GPR158: variants seen among roughly 807,000 people sequenced by gnomAD.
GPR158 encodes the protein metabotropic glycine receptor.
Under a neutral mutation model 78.2 loss-of-function variants are expected in GPR158, and 30 were observed. That is an observed-to-expected ratio of 0.38 (90% CI 0.29 to 0.52). GPR158 has a LOEUF of 0.52. Ranked by LOEUF, GPR158 falls within the 20% of genes least tolerant of loss-of-function variation. The pLI is 0.83. For missense variants in GPR158, 1,463 were observed against 1,523.5 expected (o/e 0.96, Z 0.66); for synonymous variants, 581 against 591.1 (o/e 0.98, Z 0.25).
At chr10:25,595,696 A>G (rs1035781403) in intron 9 of GPR158, among the ~76,000 whole-genome samples, 4 of 152,230 alleles carry the variant, frequency 2.6e-5, no homozygotes, top group Admixed American at 2.0e-4. Flanking sequence ...ATAGAAACAT[A>G]AAGTAGATTA....
At position 25,374,490 on chromosome 10, in the gene GPR158, A is replaced by G. The variant is rs558993110; in HGVS notation, c.1009-21421A>G. 5.3e-5 allele frequency among the ~76,000 whole-genome samples: 8 copies of G among 151,854 alleles called. No homozygotes were observed. The South Asian group carries it at 1.7e-3, about 31-fold the overall frequency. ...AATTTTATCACAAATGTAGGTTTGT[A>G]TAACCATTACCACAATTACAATACA... On this transcript the variant is annotated intron_variant, in intron 2 of 10. Coordinates refer to ENST00000376351, the MANE Select transcript of GPR158 (RefSeq NM_020752.3).
At chr10:25,550,097 T>C (rs1274382204) in intron 5 of GPR158, among the ~76,000 whole-genome samples, 1 of 152,118 alleles carries the variant, frequency 6.6e-6, no homozygotes, top group African/African-American at 2.4e-5. Flanking sequence ...ATATGAAGAG[T>C]AGTGGAGTGT....
intron 4 of GPR158, among the ~76,000 whole-genome samples, chr10:25,459,838 T>C (rs1416361920): frequency 6.6e-6 from 1 of 152,182 alleles, no homozygotes; most frequent in African/African-American, 2.4e-5. Flanking sequence ...TTGACATATT[T>C]TTTTGTCTAT....
At chr10:25,443,973 A>G (rs1835104249) in intron 4 of GPR158, among the ~76,000 whole-genome samples, 1 of 152,030 alleles carries the variant, frequency 6.6e-6, no homozygotes, top group Admixed American at 6.6e-5. Context: ...GCTTCTCAGC[A>G]TGTATGCTGT....
chr10:25,436,085 A>T (rs372147709), intron 4 of GPR158, among the ~76,000 whole-genome samples: 1 of 152,202 alleles, frequency 6.6e-6, no homozygotes, highest in East Asian at 1.9e-4. Context: ...CAAAAGTTCC[A>T]TCTTGAAACT....
chr10:25,205,488 A>G (rs1034355466), intron 1 of GPR158, among the ~76,000 whole-genome samples: 19 of 150,642 alleles, frequency 1.3e-4, no homozygotes, highest in African/African-American at 3.2e-4. Flanking sequence ...TTTTTATGCA[A>G]TCTCTAGTTC....
intron 2 of GPR158, among the ~76,000 whole-genome samples, chr10:25,248,151 T>G (rs1394775005): frequency 6.6e-6 from 1 of 151,988 alleles, no homozygotes; most frequent in Non-Finnish European, 1.5e-5. Flanking sequence ...TCGCCCACTT[T>G]TTGATGGGGT....
intron 2 of GPR158, among the ~76,000 whole-genome samples, chr10:25,379,943 C>G (rs1172806276): frequency 2.0e-5 from 3 of 147,142 alleles, no homozygotes; most frequent in Admixed American, 6.8e-5. Context: ...TTCACATAAG[C>G]TTTCTTATGC....
At chr10:25,495,855 A>T (rs934407041) in intron 5 of GPR158, among the ~76,000 whole-genome samples, 2 of 151,934 alleles carry the variant, frequency 1.3e-5, no homozygotes, top group African/African-American at 4.8e-5. Context: ...CCTCCACCTT[A>T]GCTTATATCA....
chr10:25,394,412 A>G (rs1443665124), intron 2 of GPR158, among the ~76,000 whole-genome samples: 2 of 152,224 alleles, frequency 1.3e-5, no homozygotes, highest in African/African-American at 4.8e-5. Flanking sequence ...TCCTAAATAC[A>G]TGTTATAGTT....
intron 6 of GPR158, among the ~76,000 whole-genome samples, chr10:25,559,569 A>T (rs1360799): frequency 0.035 from 5,309 of 152,296 alleles, 312 homozygotes; most frequent in African/African-American, 0.12. Flanking sequence ...AGTAAATGGT[A>T]TGTGCTATCA....
chr10:25,355,686 CTTGA>C (rs1855541161), intron 2 of GPR158, among the ~76,000 whole-genome samples: 1 of 152,008 alleles, frequency 6.6e-6, no homozygotes, highest in Non-Finnish European at 1.5e-5. Flanking sequence ...TAATTTACCT[CTTGA>C]TTTTCTTTTG....
intron 4 of GPR158, among the ~76,000 whole-genome samples, chr10:25,451,675 T>G (rs1259933683): frequency 6.6e-6 from 1 of 152,228 alleles, no homozygotes; most frequent in African/African-American, 2.4e-5. Context: ...ATATATTTTT[T>G]TTAACCTCTC....
At chr10:25,509,991 G>A (rs1194873862) in intron 5 of GPR158, among the ~76,000 whole-genome samples, 4 of 152,184 alleles carry the variant, frequency 2.6e-5, no homozygotes, top group African/African-American at 9.6e-5. Flanking sequence ...TGGGATTACA[G>A]GCATGAGCCA....
chr10:25,564,740 T>C (rs1414043), intron 6 of GPR158, among the ~76,000 whole-genome samples: 87,039 of 152,010 alleles, frequency 0.57, 26,933 homozygotes, highest in African/African-American at 0.81. Flanking sequence ...CTGCATAGCT[T>C]TTTTACTCAG....
At chr10:25,235,725 ATC>A (rs1241270237) in intron 2 of GPR158, among the ~76,000 whole-genome samples, 1 of 124,650 alleles carries the variant, frequency 8.0e-6, no homozygotes, top group East Asian at 2.4e-4. Context: ...GAGACGGAGT[ATC>A]TCTCTGTCAT....
intron 5 of GPR158, among the ~76,000 whole-genome samples, chr10:25,474,436 C>T (rs1187393066): frequency 6.6e-6 from 1 of 152,086 alleles, no homozygotes; most frequent in African/African-American, 2.4e-5. Context: ...ACCCTACCAT[C>T]CTTTAGGCTA....
intron 5 of GPR158, among the ~76,000 whole-genome samples, chr10:25,485,923 T>C (rs1835728894): frequency 6.6e-6 from 1 of 152,128 alleles, no homozygotes; most frequent in Non-Finnish European, 1.5e-5. Context: ...GGCATGATGG[T>C]GGGGCCCTTA....
chr10:25,556,952 A>G (rs1276120178), intron 6 of GPR158, among the ~76,000 whole-genome samples: 2 of 152,220 alleles, frequency 1.3e-5, no homozygotes, highest in Non-Finnish European at 2.9e-5. Flanking sequence ...CCTGTTTATT[A>G]AAGTGCCACC....
Sources: gnomAD v4.1 joint callset for allele counts (sites outside exome capture counted in the v4.1 genomes callset) on GRCh38, gnomAD v4.1.1 for gene constraint, MANE v1.5 for transcripts, NCBI Gene and HGNC (gene_info 2026-07-23, HGNC 2026-07-21) for gene names.